The following PTP4A3 variants were observed in gnomAD, a reference collection of about 807,000 sequenced individuals.
PTP4A3 encodes protein tyrosine phosphatase 4A3, also known as protein tyrosine phosphatase type IVA 3.
A neutral mutation model predicts 15.2 loss-of-function variants in PTP4A3; 9 were observed. The observed-to-expected ratio is 0.59, with a 90% CI of 0.36 to 1.03. The LOEUF is 1.03. Ranked by LOEUF, PTP4A3 falls within the 50% of genes least tolerant of loss-of-function variation. The pLI is 0.02. For missense variants in PTP4A3, 234 were observed against 252.1 expected (o/e 0.93, Z 0.49); for synonymous variants, 95 against 102.0 (o/e 0.93, Z 0.41).
At chr8:141,430,595 G>T (rs1034260083) in intron 5 of PTP4A3, among the ~76,000 whole-genome samples, 2 of 152,190 alleles carry the variant, frequency 1.3e-5, no homozygotes, top group African/African-American at 4.8e-5. Flanking sequence ...TGGTGGAGGT[G>T]CCCAGGCACC....
intron 1 of PTP4A3, among the ~76,000 whole-genome samples, chr8:141,399,424 G>A (rs1266057900): frequency 6.6e-6 from 1 of 151,504 alleles, no homozygotes; most frequent in Non-Finnish European, 1.5e-5. Context: ...GGAGCTCAGG[G>A]GGTCCCTGGG....
rs199726737 is a variant in PTP4A3 at position 141,426,919 on chromosome 8, A to T, written c.199-20A>T. On this transcript the variant is annotated intron_variant, in intron 3 of 5. Transcript: ENST00000521578. ...TACCCTCCCTCAGCCGGGGGTCCTC[A>T]TGTCTGCTTCCCTCCGTAGGACTGG... 1.9e-6 allele frequency: 3 copies of T among 1,608,830 alleles called. No homozygotes were observed. The highest frequency in any genetic ancestry group is 1.3e-5 in the African/African-American group (1 of 74,890).
chr8:141,421,032 C>G (rs952011600), intron 1 of PTP4A3, among the ~76,000 whole-genome samples: 1 of 152,204 alleles, frequency 6.6e-6, no homozygotes, highest in Non-Finnish European at 1.5e-5. Flanking sequence ...CTTAGGAACT[C>G]GGCCTCTGTC....
rs1833688933 is a variant in PTP4A3, at chr8:141,428,460, G to A, written c.404+636G>A. ...TGGAGGAACGGATGCGGCACCTGAA[G>A]CCTGCCCCTGCCCAGCCCACCATGT... On this transcript the variant is annotated intron_variant, in intron 5 of 5. Coordinates refer to ENST00000521578, the MANE Select transcript of PTP4A3 (RefSeq NM_032611.3). Among the ~76,000 whole-genome samples, 3 of 152,164 alleles carry A rather than the reference G, an allele frequency of 2.0e-5. No homozygotes were observed. The South Asian group carries it at 6.2e-4, about 31-fold the overall frequency.
chr8:141,395,016 C>T (rs1175381069), intron 1 of PTP4A3, among the ~76,000 whole-genome samples: 1 of 152,210 alleles, frequency 6.6e-6, no homozygotes, highest in Non-Finnish European at 1.5e-5. Flanking sequence ...GGGACGGGGA[C>T]AGGGACGGGT....
chr8:141,426,825 T>G (rs1326241795), intron 3 of PTP4A3, 114 bp from the exon 4 acceptor site: 41 of 1,468,914 alleles, frequency 2.8e-5, no homozygotes, highest in Non-Finnish European at 3.6e-5. Context: ...GCCCCCACCC[T>G]AGTGGGCTCC....
In PTP4A3 at chr8:141,425,594, G is replaced by A. The variant is rs377581472; in HGVS notation, c.198+454G>A. ...GCCCTGGGGACCCAGGTCTGGGCGG[G>A]GGGTGGGGCGGTTCTGCTGCGATAT... On this transcript the variant is annotated intron_variant, in intron 3 of 5. Transcript: ENST00000521578. This position sits in a 1 kb window ranked among gnomAD's most constrained non-coding sequence, Gnocchi z 4.2. 7.4e-6 allele frequency among the ~76,000 whole-genome samples: 1 copy of A among 134,608 alleles called. No individual in the cohort carries two copies. The highest frequency in any genetic ancestry group is 7.3e-5 in the Admixed American group (1 of 13,634). 88.3% of individuals were successfully genotyped at this position (134,608 alleles called of 152,430 possible). A position where few individuals can be genotyped will look rare whatever the true frequency, so the allele number is the denominator to read the frequency against.
chr8:141,422,407 T>A, intron 2 of PTP4A3, 62 bp downstream of exon 2: 1 of 1,587,802 alleles, frequency 6.3e-7, no homozygotes, highest in Non-Finnish European at 8.6e-7. Context: ...CCGGCTGAGC[T>A]GCCCTCAGGC....
intron 1 of PTP4A3, among the ~76,000 whole-genome samples, chr8:141,394,435 C>T (rs1261825219): frequency 6.6e-6 from 1 of 152,202 alleles, no homozygotes; most frequent in East Asian, 1.9e-4. Flanking sequence ...AGCACCGTTT[C>T]TCCCCACCTC....
intron 1 of PTP4A3, among the ~76,000 whole-genome samples, chr8:141,417,357 G>A (rs886206959): frequency 6.6e-6 from 1 of 152,190 alleles, no homozygotes; most frequent in Non-Finnish European, 1.5e-5. Flanking sequence ...TGTCTGGCAC[G>A]GTGGGTGCTG....
intron 1 of PTP4A3, among the ~76,000 whole-genome samples, chr8:141,404,208 T>G (rs1271936073): frequency 6.6e-6 from 1 of 152,282 alleles, no homozygotes; most frequent in African/African-American, 2.4e-5. Flanking sequence ...AAGCGATTTT[T>G]TTTTCTCGTC....
chr8:141,425,458 T>C lies in PTP4A3; in HGVS notation c.198+318T>C, dbSNP rs887880713. On this transcript the variant is annotated intron_variant, in intron 3 of 5. Coordinates refer to ENST00000521578, the MANE Select transcript of PTP4A3 (RefSeq NM_032611.3). This position sits in a 1 kb window ranked among gnomAD's most constrained non-coding sequence, Gnocchi z 4.2. ...CTCCTCTGCCTGTCTCAGGCCCTCC[T>C]CTGGGCCTGTCTTGGGTGCATCTCA... is the stretch of plus-strand genomic sequence containing the variant. Among the ~76,000 whole-genome samples the C allele has an allele frequency of 3.2e-4, 49 of 152,168 alleles. No individual in the cohort carries two copies. Among genetic ancestry groups the C allele is most frequent in the Admixed American group, 2.7e-3 (41 of 15,308 alleles).
At chr8:141,405,837 C>A (rs1022567440) in intron 1 of PTP4A3, among the ~76,000 whole-genome samples, 1 of 151,770 alleles carries the variant, frequency 6.6e-6, no homozygotes, top group Non-Finnish European at 1.5e-5. Flanking sequence ...GGGCCAGCAC[C>A]GGACGATGTG....
At chr8:141,417,768 C>T (rs1833118031) in intron 1 of PTP4A3, among the ~76,000 whole-genome samples, 1 of 152,032 alleles carries the variant, frequency 6.6e-6, no homozygotes, top group Non-Finnish European at 1.5e-5. Context: ...GCCCGCCCTG[C>T]GCGGCCCCTT....
Position 141,422,101 on chromosome 8 carries a change from G to A in PTP4A3, c.-140G>A. On this transcript the variant is annotated 5_prime_UTR_variant, in exon 2 of 6. Transcript: ENST00000521578. ...ATATTTGTGCGGGGTATGGGGGTGGGTTTTTAAATCTCGTTTCTCTTGGAC... is the reference window on the plus strand; with the variant it reads ...ATATTTGTGCGGGGTATGGGGGTGGATTTTTAAATCTCGTTTCTCTTGGAC... 3.9e-6 allele frequency: 3 copies of A among 778,684 alleles called. No individual in the cohort carries two copies. Among genetic ancestry groups the A allele is most frequent in the South Asian group, 3.5e-5 (2 of 57,830 alleles). 48.2% of individuals were successfully genotyped at this position (778,684 alleles called of 1,614,324 possible). A position where few individuals can be genotyped will look rare whatever the true frequency, so the allele number is the denominator to read the frequency against.
At chr8:141,392,140 C>T (rs1832296313) in intron 1 of PTP4A3, 56 bp downstream of exon 1, 1 of 147,094 alleles carries the variant, frequency 6.8e-6, no homozygotes. Context: ...TGTGGAGGCG[C>T]GTGGGGGGCC....
At chr8:141,410,407 TTTAA>T (rs1253584918) in intron 1 of PTP4A3, among the ~76,000 whole-genome samples, 4 of 152,156 alleles carry the variant, frequency 2.6e-5, no homozygotes, top group Non-Finnish European at 4.4e-5. Context: ...GAACAGGGGC[TTTAA>T]GAAGCCCTGC....
In PTP4A3 at chr8:141,426,469, C is replaced by A. The variant is rs534234466; in HGVS notation, c.199-470C>A. 1.8e-4 allele frequency: 180 copies of A among 985,476 alleles called. 1 individual carries two copies. In the African/African-American group the frequency reaches 2.7e-3, roughly 15 times the overall value. The allele number at this position is 985,476 out of a possible 1,614,324, so 61.0% of individuals were successfully genotyped here. On this transcript the variant is annotated intron_variant, in intron 3 of 5. Coordinates refer to ENST00000521578, the MANE Select transcript of PTP4A3 (RefSeq NM_032611.3). ...TCGCCCCACAGCCCTGTCTTCAGTC[C>A]TTCCTGGCACCTGGGCTGTGTGTGG...
At chr8:141,395,109 C>T (rs1047589638) in intron 1 of PTP4A3, among the ~76,000 whole-genome samples, 6 of 152,152 alleles carry the variant, frequency 3.9e-5, no homozygotes, top group East Asian at 3.9e-4. Context: ...GCTCTTTAGC[C>T]GAGCGGGATC....
Sources: allele counts gnomAD v4.1 joint callset (sites outside exome capture counted in the v4.1 genomes callset), GRCh38; gene constraint gnomAD v4.1.1; non-coding constraint Gnocchi (gnomAD v3.1); transcripts MANE v1.5; gene names NCBI Gene and HGNC (gene_info 2026-07-23, HGNC 2026-07-21).